Variants in ABCA1 observed in about 807,000 individuals in gnomAD.
The protein encoded by ABCA1 is phospholipid-transporting ATPase ABCA1.
A neutral mutation model predicts 262.5 loss-of-function variants in ABCA1; 133 were observed. The observed-to-expected ratio is 0.51, with a 90% CI of 0.44 to 0.59. The LOEUF is 0.59. Ranked by LOEUF, ABCA1 falls within the 20% of genes least tolerant of loss-of-function variation. The pLI is 0.00. For synonymous variants in ABCA1, 1,022 were observed against 1,043.5 expected (o/e 0.98, Z 0.40); for missense variants, 2,452 against 2,777.5 (o/e 0.88, Z 2.63).
At chr9:104,847,363 CA>C (rs1417780043) in intron 7 of ABCA1, among the ~76,000 whole-genome samples, 1 of 152,126 alleles carries the variant, frequency 6.6e-6, no homozygotes, top group Non-Finnish European at 1.5e-5. Context: ...AAATGCTGTG[CA>C]CATATCACAG....
At chr9:104,850,599 T>G (rs1194215191) in intron 7 of ABCA1, among the ~76,000 whole-genome samples, 2 of 152,222 alleles carry the variant, frequency 1.3e-5, no homozygotes, top group Non-Finnish European at 1.5e-5. Flanking sequence ...ATAACTTCCT[T>G]GAATAAAATT....
intron 7 of ABCA1, among the ~76,000 whole-genome samples, chr9:104,846,963 A>G (rs1834949992): frequency 1.3e-5 from 2 of 152,208 alleles, no homozygotes; most frequent in South Asian, 4.1e-4. Context: ...GAACCTAGGG[A>G]GAACTTGCCT....
chr9:104,812,842 C>T lies in ABCA1; in HGVS notation c.3902-120G>A, dbSNP rs899894488. 3.0e-6 allele frequency: 4 copies of T among 1,337,394 alleles called. No homozygotes were observed. The Admixed American group carries it at 5.2e-5, about 17-fold the overall frequency. 82.8% of individuals were successfully genotyped at this position (1,337,394 alleles called of 1,614,324 possible). ...GGCATGTGTCTGAAGCTAGAAGTTT[C>T]TCAGAAGTAAAGGGCTTTCATGACA... On this transcript the variant is annotated intron_variant, in intron 27 of 49. Transcript: ENST00000374736.
chr9:104,829,951 C>CAT (rs1293280476), intron 14 of ABCA1, among the ~76,000 whole-genome samples: 1 of 116,030 alleles, frequency 8.6e-6, no homozygotes. Context: ...CCTACACACA[C>CAT]ACACACACAC....
intron 5 of ABCA1, among the ~76,000 whole-genome samples, chr9:104,878,789 A>G (rs1838368326): frequency 6.6e-6 from 1 of 152,222 alleles, no homozygotes; most frequent in African/African-American, 2.4e-5. Flanking sequence ...ATGATGCTCT[A>G]GCCAAGGAAA....
chr9:104,792,931 G>A (rs753838695), intron 41 of ABCA1, 25 bp from the exon 42 acceptor site: 6 of 1,613,424 alleles, frequency 3.7e-6, no homozygotes, highest in African/African-American at 1.3e-5. Context: ...CAAGAAAAAT[G>A]AACCTTTCAA....
intron 1 of ABCA1, among the ~76,000 whole-genome samples, chr9:104,917,668 C>T (rs1157042049): frequency 6.6e-6 from 1 of 151,998 alleles, no homozygotes; most frequent in Non-Finnish European, 1.5e-5. Flanking sequence ...GCAGGAGAAT[C>T]GCTTGAACCC....
rs753324965 is a variant in ABCA1, at chr9:104,794,401, G to A, written c.5492C>T (p.Ala1831Val). 60 of 1,613,818 alleles carry A rather than the reference G, an allele frequency of 3.7e-5. No homozygotes were observed. In the East Asian group the frequency reaches 1.2e-3, roughly 32 times the overall value. The change falls in exon 40 of 50, where the codon GCC (alanine) becomes GTC (valine). Residue 1831 changes from alanine to valine, a missense_variant. Ala to Val is a moderately conservative substitution (Grantham distance 64, BLOSUM62 0). Transcript: ENST00000374736. ...DMVKNQAMADALERFGENRFV... is the reference protein window; with the variant it reads ...DMVKNQAMADVLERFGENRFV... The stretch of plus-strand genomic sequence containing the variant: ...GCTTCACTCACCAAACCTTTCCAGG[G>A]CATCAGCCATTGCCTGGTTTTTCAC...
intron 1 of ABCA1, among the ~76,000 whole-genome samples, chr9:104,913,003 G>A (rs1251707553): frequency 6.6e-6 from 1 of 152,142 alleles, no homozygotes; most frequent in Non-Finnish European, 1.5e-5. Flanking sequence ...TTATAGGACG[G>A]TTTTCCAAGA....
intron 17 of ABCA1, 42 bp from the exon 18 acceptor site, chr9:104,824,620 C>T: frequency 6.2e-7 from 1 of 1,607,602 alleles, no homozygotes; most frequent in Non-Finnish European, 8.5e-7. Context: ...CAGCATCATC[C>T]CAGTATTCTG....
At chr9:104,798,643 G>A (rs1289119563) in intron 36 of ABCA1, 45 bp from the exon 37 acceptor site, 2 of 1,562,102 alleles carry the variant, frequency 1.3e-6, no homozygotes, top group South Asian at 1.1e-5. Context: ...CTTTGATGCA[G>A]TTAGGGCTCA....
At position 104,785,658 on chromosome 9, in the gene ABCA1, A is replaced by G. The variant is rs376822149; in HGVS notation, c.6402-19T>C. On this transcript the variant is annotated intron_variant, in intron 48 of 49. Coordinates refer to ENST00000374736, the MANE Select transcript of ABCA1 (RefSeq NM_005502.4). Reference sequence around the variant, plus strand: ...TCCAAACCTGAAAGCAGGAAAAAATACCCAAATGGAGGATCTCCAGAAAAC... The same window carrying G: ...TCCAAACCTGAAAGCAGGAAAAAATGCCCAAATGGAGGATCTCCAGAAAAC... The G allele has an allele frequency of 4.8e-5, 78 of 1,613,512 alleles. No homozygotes were observed. Among genetic ancestry groups the G allele is most frequent in the Non-Finnish European group, 5.1e-5 (60 of 1,179,968 alleles).
chr9:104,843,951 T>C (rs1386501707), intron 8 of ABCA1, among the ~76,000 whole-genome samples: 2 of 150,516 alleles, frequency 1.3e-5, no homozygotes, highest in Non-Finnish European at 2.9e-5. Context: ...GAAAAACGTA[T>C]ATTGTTCACT....
intron 11 of ABCA1, among the ~76,000 whole-genome samples, chr9:104,836,232 C>T (rs1052093191): frequency 6.6e-6 from 1 of 152,200 alleles, no homozygotes; most frequent in Non-Finnish European, 1.5e-5. Context: ...GTCTCTAAAA[C>T]CCAGCCGCCC....
intron 7 of ABCA1, among the ~76,000 whole-genome samples, chr9:104,846,162 G>A (rs1834856313): frequency 6.6e-6 from 1 of 152,098 alleles, no homozygotes; most frequent in Admixed American, 6.5e-5. Flanking sequence ...AGCAGATATA[G>A]GACAATAATT....
Position 104,882,056 on chromosome 9 carries a change from A to AAAAAAAAAAAAAAAAAAAAC in ABCA1, c.421+982_421+983insGTTTTTTTTTTTTTTTTTTT, listed in dbSNP as rs910844455. ...AAAAAAAAAAAAAAAAAAAAAAAAA[A>AAAAAAAAAAAAAAAAAAAAC]ACTCAAATCTGAGTCTGGTTTAAAC... On this transcript the variant is annotated intron_variant, in intron 5 of 49. Coordinates refer to ENST00000374736, the MANE Select transcript of ABCA1 (RefSeq NM_005502.4). Among the ~76,000 whole-genome samples the AAAAAAAAAAAAAAAAAAAAC allele has an allele frequency of 1.7e-4, 25 of 144,648 alleles. 1 individual carries two copies. Among genetic ancestry groups the AAAAAAAAAAAAAAAAAAAAC allele is most frequent in the Non-Finnish European group, 3.4e-4 (22 of 65,590 alleles). 94.9% of individuals were successfully genotyped at this position (144,648 alleles called of 152,430 possible).
chr9:104,788,201 A>G, intron 45 of ABCA1, 147 bp from the exon 46 acceptor site: 1 of 1,170,046 alleles, frequency 8.5e-7, no homozygotes, highest in Non-Finnish European at 1.3e-6. Flanking sequence ...CAAAGCAGGG[A>G]GAAGGGACTC....
At chr9:104,795,971 G>T in intron 39 of ABCA1, 82 bp downstream of exon 39, 1 of 1,587,656 alleles carries the variant, frequency 6.3e-7, no homozygotes, top group South Asian at 1.1e-5. Context: ...ACTGACAAGT[G>T]GAATAAGATC....
rs144923927 is a variant in ABCA1, at chr9:104,816,156, G to A, written c.3725C>T (p.Thr1242Met). ...LGISSYGISE[T>M]TLEEIFLKVA... ...CACTTAACTTACTTCTTCCAGGGTCGTCTCTGAGATGCCATAACTAGAAAT... is the reference window on the plus strand; with the variant it reads ...CACTTAACTTACTTCTTCCAGGGTCATCTCTGAGATGCCATAACTAGAAAT... The change falls in exon 25 of 50, where the codon ACG (threonine) becomes ATG (methionine). Residue 1242 changes from threonine to methionine, a missense_variant. This residue lies in a region of ABCA1 where 665 missense variants were observed against 727.3 expected (regional missense o/e 0.91). Coordinates refer to ENST00000374736, the MANE Select transcript of ABCA1 (RefSeq NM_005502.4). 8.1e-6 allele frequency: 13 copies of A among 1,613,994 alleles called. No homozygotes were observed. Among genetic ancestry groups the A allele is most frequent in the Admixed American group, 3.3e-5 (2 of 59,998 alleles).
Sources: allele counts gnomAD v4.1 joint callset (sites outside exome capture counted in the v4.1 genomes callset), GRCh38; gene constraint gnomAD v4.1.1; regional missense constraint gnomAD v4.1.1; transcripts MANE v1.5; gene names NCBI Gene and HGNC (gene_info 2026-07-23, HGNC 2026-07-21).